RSPRY1: variants seen among roughly 807,000 people sequenced by gnomAD.
RSPRY1 encodes ring finger and SPRY domain containing 1.
RSPRY1 carries 23 observed loss-of-function variants against 73.1 expected under a neutral mutation model. The ratio of observed to expected loss-of-function variants is 0.31; its 90% CI spans 0.23 to 0.45. The LOEUF is 0.45. Among genes scored for constraint, RSPRY1 ranks in the 20% least tolerant of loss-of-function variants. RSPRY1 has a pLI of 1.00. For missense variants in RSPRY1, 448 were observed against 698.7 expected, an observed-to-expected ratio of 0.64 and a Z score of 4.05; for synonymous variants, 226 against 251.4, an observed-to-expected ratio of 0.90 and a Z score of 0.95.
intron 8 of RSPRY1, among the ~76,000 whole-genome samples, 172 bp downstream of exon 8, chr16:57,217,207 G>T (rs1349874886): frequency 6.6e-6 from 1 of 152,180 alleles, no homozygotes; most frequent in East Asian, 1.9e-4. Flanking sequence ...CTTTAGACAA[G>T]AATTACATGG....
At chr16:57,212,761 C>T (rs1432008457) in intron 4 of RSPRY1, among the ~76,000 whole-genome samples, 3 of 152,156 alleles carry the variant, frequency 2.0e-5, no homozygotes, top group East Asian at 3.9e-4. Flanking sequence ...ATTACAGGCG[C>T]GCACCACCAC....
At chr16:57,218,720 CTTTTTTTTTTTTTTTT>C (rs869295634) in intron 8 of RSPRY1, among the ~76,000 whole-genome samples, 5 of 41,120 alleles carry the variant, frequency 1.2e-4, no homozygotes, top group East Asian at 7.8e-4. Context: ...GCCACATTTT[CTTTTTTTTTTTTTTTT>C]TTTTTTTTTT....
chr16:57,227,940 A>G (rs114111266), intron 11 of RSPRY1, among the ~76,000 whole-genome samples: 1,659 of 152,184 alleles, frequency 0.011, 33 homozygotes, highest in African/African-American at 0.037. Context: ...ATATAACCCA[A>G]CTCTTTCTCC....
In RSPRY1 at chr16:57,234,218, C is replaced by T. The variant is rs187826573; in HGVS notation, c.1530-906C>T. Among the ~76,000 whole-genome samples the T allele has an allele frequency of 5.9e-4, 90 of 152,280 alleles. 2 individuals carry two copies. The highest frequency in any genetic ancestry group is 5.1e-3 in the Admixed American group (78 of 15,290). Reference sequence around the variant, plus strand: ...CAGGGCACTTGCTGTTCCTGCTACCCGAAACGGTTTCTCCAAACAACCACA... The same window carrying T: ...CAGGGCACTTGCTGTTCCTGCTACCTGAAACGGTTTCTCCAAACAACCACA... On this transcript the variant is annotated intron_variant, in intron 13 of 14. Coordinates refer to ENST00000394420, the MANE Select transcript of RSPRY1 (RefSeq NM_133368.3).
intron 10 of RSPRY1, among the ~76,000 whole-genome samples, chr16:57,226,275 G>A (rs1354486021): frequency 6.6e-6 from 1 of 152,182 alleles, no homozygotes; most frequent in East Asian, 1.9e-4. Context: ...ACTGGAAAGG[G>A]TCTGGATCCA....
At chr16:57,231,394 T>G in intron 13 of RSPRY1, 75 bp downstream of exon 13, 1 of 1,398,590 alleles carries the variant, frequency 7.2e-7, no homozygotes, top group Non-Finnish European at 9.7e-7. Context: ...ATAATCAACG[T>G]TAAAAGAATA....
chr16:57,231,494 A>G (rs1178926015), intron 13 of RSPRY1, among the ~76,000 whole-genome samples, 175 bp downstream of exon 13: 1 of 152,186 alleles, frequency 6.6e-6, no homozygotes, highest in African/African-American at 2.4e-5. Context: ...TACACAAACC[A>G]ATTATTGTAT....
Position 57,186,358 on chromosome 16 carries a change from C to G in RSPRY1, c.-249C>G, listed in dbSNP as rs781064049. Reference sequence around the variant, plus strand: ...GCGCGTAATGGCAGCGCCGTGGCCTCGCGTCCATCTTTGCCGTTCTCTCGG... The same window carrying G: ...GCGCGTAATGGCAGCGCCGTGGCCTGGCGTCCATCTTTGCCGTTCTCTCGG... On this transcript the variant is annotated 5_prime_UTR_variant, in exon 1 of 15. Coordinates refer to ENST00000394420, the MANE Select transcript of RSPRY1 (RefSeq NM_133368.3). The G allele has an allele frequency of 5.7e-6, 1 of 176,510 alleles. No homozygotes were observed. The highest frequency in any genetic ancestry group is 1.1e-5 in the Non-Finnish European group (1 of 89,286). 10.9% of individuals were successfully genotyped at this position (176,510 alleles called of 1,614,324 possible). A position where few individuals can be genotyped will look rare whatever the true frequency, so the allele number is the denominator to read the frequency against.
At chr16:57,213,820 G>C in intron 5 of RSPRY1, 68 bp from the exon 6 acceptor site, 1 of 1,143,726 alleles carries the variant, frequency 8.7e-7, no homozygotes, top group South Asian at 1.2e-5. Context: ...AAAACAATTT[G>C]ATTGTTACCA....
At chr16:57,224,034 ACT>A (rs1448967139) in intron 10 of RSPRY1, among the ~76,000 whole-genome samples, 2 of 152,166 alleles carry the variant, frequency 1.3e-5, no homozygotes, top group Non-Finnish European at 2.9e-5. Context: ...CGAGAAAATG[ACT>A]CTGGCTATCT....
intron 1 of RSPRY1, among the ~76,000 whole-genome samples, chr16:57,199,220 C>T (rs1567486925): frequency 6.6e-6 from 1 of 152,154 alleles, no homozygotes; most frequent in African/African-American, 2.4e-5. Flanking sequence ...AGCGGCTGGG[C>T]GCGGCGGTTG....
intron 12 of RSPRY1, 127 bp from the exon 13 acceptor site, chr16:57,231,040 G>C: frequency 1.1e-6 from 1 of 875,074 alleles, no homozygotes; most frequent in Non-Finnish European, 1.7e-6. Context: ...TATAAACACA[G>C]TCTGTCACTC....
intron 2 of RSPRY1, among the ~76,000 whole-genome samples, chr16:57,206,420 CA>C (rs1271958309): frequency 1.3e-5 from 2 of 151,774 alleles, no homozygotes; most frequent in Non-Finnish European, 2.9e-5. Context: ...ATTAATTAAT[CA>C]AAAAAAATTT....
rs2075136109 is a variant in RSPRY1, at chr16:57,227,351, G to A, written c.1171G>A (p.Gly391Ser). 4 of 1,613,100 alleles carry A rather than the reference G, an allele frequency of 2.5e-6. No homozygotes were observed. The highest frequency in any genetic ancestry group is 1.7e-5 in the Admixed American group (1 of 59,988). The stretch of plus-strand genomic sequence containing the variant: ...CCTTGTCTCTCTCCAGGAAGGCTAC[G>A]GCATTGGGGATGATGAATACTCCTG... ...DSKFLNHEGY[G>S]IGDDEYSCAY... Residue 391 changes from glycine (G) to serine (S), a missense_variant, in exon 11 of 15, where the codon GGC (glycine) becomes AGC (serine). By Grantham distance (56) the Gly-to-Ser change is moderately conservative (BLOSUM62 0). Transcript: ENST00000394420.
chr16:57,225,812 C>T (rs1340223121), intron 10 of RSPRY1, among the ~76,000 whole-genome samples: 2 of 152,224 alleles, frequency 1.3e-5, no homozygotes, highest in African/African-American at 4.8e-5. Flanking sequence ...GGCGCGGTGG[C>T]TCACGCCTGT....
chr16:57,216,130 C>A lies in RSPRY1; in HGVS notation c.726C>A (p.Val242=). ...QCLKLQSHPT[V]MLFALIALEK... ...AGAAGTTACAGTCCCACCCCACAGT[C>A]ATGCTTTTTGCACTTATCGCACTGG... The change falls in exon 7 of 15, where the codon GTC becomes GTA. Residue 242 remains valine, a synonymous_variant. Transcript: ENST00000394420. 1 of 1,607,686 alleles carries A rather than the reference C, an allele frequency of 6.2e-7. No individual in the cohort carries two copies. The highest frequency in any genetic ancestry group is 1.1e-5 in the South Asian group (1 of 90,898).
intron 2 of RSPRY1, among the ~76,000 whole-genome samples, chr16:57,206,856 C>T (rs1342057271): frequency 1.3e-5 from 2 of 152,182 alleles, no homozygotes; most frequent in African/African-American, 4.8e-5. Context: ...TGAGCCCCCA[C>T]GCTTGGCCCC....
intron 1 of RSPRY1, among the ~76,000 whole-genome samples, chr16:57,199,933 A>C (rs1418420169): frequency 2.2e-5 from 1 of 46,168 alleles, no homozygotes; most frequent in African/African-American, 9.0e-5. Context: ...TTTTTTATTG[A>C]TCATTCTTGG....
At chr16:57,209,257 C>T in intron 4 of RSPRY1, 70 bp downstream of exon 4, 1 of 982,936 alleles carries the variant, frequency 1.0e-6, no homozygotes, top group South Asian at 1.4e-5. Context: ...CCACAAAGAA[C>T]ATTTGATGTA....
Sources: gnomAD v4.1 joint callset for allele counts (sites outside exome capture counted in the v4.1 genomes callset) on GRCh38, gnomAD v4.1.1 for gene constraint, MANE v1.5 for transcripts, NCBI Gene and HGNC (gene_info 2026-07-23, HGNC 2026-07-21) for gene names.